Variants in DPP10 observed in about 807,000 individuals in gnomAD.
DPP10 encodes the protein dipeptidyl peptidase like 10, also known as inactive dipeptidyl peptidase 10.
Under a neutral mutation model 120.9 loss-of-function variants are expected in DPP10, and 33 were observed. The ratio of observed to expected loss-of-function variants is 0.27; its 90% CI spans 0.21 to 0.37. DPP10 has a LOEUF of 0.37. Among genes scored for constraint, DPP10 ranks in the 10% least tolerant of loss-of-function variants. The probability of loss-of-function intolerance (pLI) is 1.00; values close to 1 mark genes in which losing one functional copy is unlikely to be tolerated. For synonymous variants in DPP10, 337 were observed against 326.1 expected, an observed-to-expected ratio of 1.03 and a Z score of -0.36; for missense variants, 816 against 942.8, an observed-to-expected ratio of 0.87 and a Z score of 1.76.
chr2:114,593,438 C>T (rs2105174750), intron 1 of DPP10, among the ~76,000 whole-genome samples: 1 of 152,192 alleles, frequency 6.6e-6, no homozygotes, highest in South Asian at 2.1e-4. Flanking sequence ...CTGAGGACTG[C>T]CATAGGGTCC....
In DPP10 at chr2:115,836,555, G is replaced by T; in HGVS notation, c.2099G>T (p.Ser700Ile). 6.2e-7 allele frequency: 1 copy of T among 1,613,658 alleles called. No homozygotes were observed. The change falls in exon 23 of 26, where the codon AGC (serine) becomes ATC (isoleucine). Residue 700 changes from serine (S) to isoleucine (I), a missense_variant. By Grantham distance (142) the Ser-to-Ile change is moderately radical. Around this residue, in one of 3 missense-constraint regions of DPP10, gnomAD observed 592 missense variants for 649.0 expected, o/e 0.91. Transcript: ENST00000410059. The part of the protein sequence containing the change: ...RYLGMPSKEE[S>I]TYQAASVLHN... ...CTTGGGATGCCATCTAAGGAAGAAA[G>T]CACTTACCAGGTAACTAATTTGAAA... is the stretch of plus-strand genomic sequence containing the variant.
chr2:115,587,350 G>A (rs891169202), intron 5 of DPP10, among the ~76,000 whole-genome samples: 3 of 151,674 alleles, frequency 2.0e-5, no homozygotes, highest in African/African-American at 4.8e-5. Flanking sequence ...CGCCCGCCTC[G>A]GCCTCCCAAA....
chr2:115,180,386 C>A (rs1479355311), intron 1 of DPP10, among the ~76,000 whole-genome samples: 2 of 152,150 alleles, frequency 1.3e-5, no homozygotes, highest in Admixed American at 1.3e-4. Flanking sequence ...TCACTACTTA[C>A]ATATTCGTAC....
chr2:114,871,673 G>A (rs1690700632), intron 1 of DPP10, among the ~76,000 whole-genome samples: 1 of 152,164 alleles, frequency 6.6e-6, no homozygotes, highest in South Asian at 2.1e-4. Flanking sequence ...GGGGGTACAT[G>A]TTTAGGTTTG....
At chr2:115,656,867 A>G (rs1011679759) in intron 5 of DPP10, among the ~76,000 whole-genome samples, 2 of 151,700 alleles carry the variant, frequency 1.3e-5, no homozygotes, top group Admixed American at 6.6e-5. Flanking sequence ...CTTACAGTTT[A>G]TCATGACCAT....
At chr2:115,213,658 A>T (rs1035972962) in intron 1 of DPP10, among the ~76,000 whole-genome samples, 2 of 151,994 alleles carry the variant, frequency 1.3e-5, no homozygotes, top group African/African-American at 4.8e-5. Context: ...TCATTCCTTG[A>T]TTTTGCTTTT....
intron 1 of DPP10, among the ~76,000 whole-genome samples, chr2:114,481,481 G>T (rs549131179): frequency 1.1e-4 from 16 of 151,990 alleles, no homozygotes; most frequent in Non-Finnish European, 2.4e-4. Flanking sequence ...ATGTTAAGAG[G>T]TACAGCCACC....
At chr2:115,737,193 C>T (rs529922321) in intron 8 of DPP10, among the ~76,000 whole-genome samples, 1 of 152,230 alleles carries the variant, frequency 6.6e-6, no homozygotes, top group East Asian at 1.9e-4. Flanking sequence ...AGAAAACATG[C>T]TTTGTGGCAC....
intron 1 of DPP10, among the ~76,000 whole-genome samples, chr2:114,796,739 C>T (rs1052649738): frequency 6.6e-6 from 1 of 152,122 alleles, no homozygotes; most frequent in African/African-American, 2.4e-5. Flanking sequence ...TGACTCATAA[C>T]CATAAATGGC....
At chr2:114,468,370 T>C (rs17048401) in intron 1 of DPP10, among the ~76,000 whole-genome samples, 8,206 of 136,302 alleles carry the variant, frequency 0.06, 413 homozygotes, top group African/African-American at 0.13. Flanking sequence ...ACACATTTCA[T>C]TGGATGACCT....
intron 3 of DPP10, among the ~76,000 whole-genome samples, chr2:115,380,243 G>C (rs1167460097): frequency 6.6e-6 from 1 of 152,228 alleles, no homozygotes; most frequent in Non-Finnish European, 1.5e-5. Context: ...CTCCTGTATT[G>C]GGTGCATATA....
intron 1 of DPP10, among the ~76,000 whole-genome samples, chr2:114,705,120 A>T (rs542136479): frequency 2.0e-5 from 3 of 152,302 alleles, no homozygotes; most frequent in African/African-American, 7.2e-5. Flanking sequence ...AGACTAGAAC[A>T]AGGGGCCATG....
At chr2:114,567,212 C>A (rs1021390709) in intron 1 of DPP10, among the ~76,000 whole-genome samples, 2 of 152,164 alleles carry the variant, frequency 1.3e-5, no homozygotes, top group African/African-American at 2.4e-5. Flanking sequence ...TTTGGCTTAT[C>A]TATCTTGGTA....
intron 1 of DPP10, among the ~76,000 whole-genome samples, chr2:115,008,237 T>C (rs1429267339): frequency 3.3e-5 from 4 of 119,786 alleles, no homozygotes; most frequent in South Asian, 3.2e-4. Flanking sequence ...GAGATATAGA[T>C]CAATGGAACA....
At chr2:114,782,348 G>A (rs1424977717) in intron 1 of DPP10, among the ~76,000 whole-genome samples, 1 of 148,550 alleles carries the variant, frequency 6.7e-6, no homozygotes, top group Admixed American at 6.7e-5. Context: ...TATATATATG[G>A]AATATATATA....
At chr2:115,505,112 A>G (rs2076872909) in intron 4 of DPP10, among the ~76,000 whole-genome samples, 1 of 152,076 alleles carries the variant, frequency 6.6e-6, no homozygotes, top group South Asian at 2.1e-4. Context: ...TGGTAGGACC[A>G]TTTTATTGTC....
At chr2:114,750,338 A>G in intron 1 of DPP10, among the ~76,000 whole-genome samples, 1 of 145,646 alleles carries the variant, frequency 6.9e-6, no homozygotes, top group South Asian at 2.2e-4. Context: ...ACATCAATAT[A>G]TTTTTTTTTT....
At chr2:115,711,332 G>C (rs2092307700) in intron 7 of DPP10, among the ~76,000 whole-genome samples, 1 of 152,136 alleles carries the variant, frequency 6.6e-6, no homozygotes, top group Admixed American at 6.6e-5. Context: ...AGAAATTAAA[G>C]ATGAGAAAAA....
At chr2:115,510,142 A>G (rs554646765) in intron 4 of DPP10, among the ~76,000 whole-genome samples, 25 of 152,234 alleles carry the variant, frequency 1.6e-4, no homozygotes, top group African/African-American at 5.3e-4. Flanking sequence ...TCTCCCAGGT[A>G]TGTTGTCTTT....
Sources: allele counts gnomAD v4.1 joint callset (sites outside exome capture counted in the v4.1 genomes callset), GRCh38; gene constraint gnomAD v4.1.1; regional missense constraint gnomAD v4.1.1; transcripts MANE v1.5; gene names NCBI Gene and HGNC (gene_info 2026-07-23, HGNC 2026-07-21).